Variants in SASH1 observed in about 807,000 individuals in gnomAD.
SASH1 encodes the protein SAM and SH3 domain containing 1, also known as SAM and SH3 domain-containing protein 1.
Under a neutral mutation model 125.2 loss-of-function variants are expected in SASH1, and 44 were observed. That is an observed-to-expected ratio of 0.35 (90% CI 0.28 to 0.45). SASH1 has a LOEUF of 0.45. Among genes scored for constraint, SASH1 ranks in the 20% least tolerant of loss-of-function variants. SASH1 has a pLI of 1.00. For missense variants in SASH1, 1,426 were observed against 1,614.5 expected, an observed-to-expected ratio of 0.88 and a Z score of 2.00; for synonymous variants, 639 against 649.1, an observed-to-expected ratio of 0.98 and a Z score of 0.24.
intron 2 of SASH1, among the ~76,000 whole-genome samples, chr6:148,409,827 G>T (rs969283249): frequency 1.3e-5 from 2 of 151,928 alleles, no homozygotes; most frequent in African/African-American, 4.8e-5. Flanking sequence ...CCAGCTACTC[G>T]GAAGGCTGAG....
At chr6:148,535,050 A>T in intron 16 of SASH1, 149 bp downstream of exon 16, 1 of 993,720 alleles carries the variant, frequency 1.0e-6, no homozygotes, top group Non-Finnish European at 1.5e-6. Context: ...CCCTGTACGC[A>T]CAGAGGTGTT....
At chr6:148,334,967 C>A (rs1177552402) in intron 1 of SASH1, among the ~76,000 whole-genome samples, 1 of 97,156 alleles carries the variant, frequency 1.0e-5, no homozygotes, top group Non-Finnish European at 2.1e-5. Flanking sequence ...GAGTGAGACT[C>A]CATCTCAAAA....
In SASH1 at chr6:148,533,315, G is replaced by T. The variant is rs1293483048; in HGVS notation, c.1734+349G>T. 6.6e-6 allele frequency among the ~76,000 whole-genome samples: 1 copy of T among 152,202 alleles called. No homozygotes were observed. The highest frequency in any genetic ancestry group is 1.5e-5 in the Non-Finnish European group (1 of 68,038). On this transcript the variant is annotated intron_variant, in intron 14 of 19. Transcript: ENST00000367467. This position sits in a 1 kb window ranked among gnomAD's most constrained non-coding sequence, Gnocchi z 6.2. ...ATCTGAAGAAAGATTTCTGCCTTCT[G>T]TGTGCTCAGAGGTACCTTTATGGGA...
intron 4 of SASH1, among the ~76,000 whole-genome samples, chr6:148,466,286 T>G: frequency 6.6e-6 from 1 of 152,320 alleles, no homozygotes; most frequent in Admixed American, 6.5e-5. Flanking sequence ...TCCCTTAGTT[T>G]ACAATAGAAA....
At chr6:148,387,605 T>TTTCTTTC (rs1562371067) in intron 1 of SASH1, among the ~76,000 whole-genome samples, 4 of 24,404 alleles carry the variant, frequency 1.6e-4, no homozygotes, top group African/African-American at 8.9e-4. Context: ...TCTTTCTTTC[T>TTTCTTTC]TTCTTTCTTT....
intron 1 of SASH1, among the ~76,000 whole-genome samples, chr6:148,337,580 T>G (rs1781197921): frequency 6.6e-6 from 1 of 152,130 alleles, no homozygotes; most frequent in Non-Finnish European, 1.5e-5. Flanking sequence ...CAGACTGGTC[T>G]TGAACTCCTG....
At chr6:148,331,708 A>G (rs966306898) in intron 1 of SASH1, among the ~76,000 whole-genome samples, 3 of 152,092 alleles carry the variant, frequency 2.0e-5, no homozygotes, top group African/African-American at 7.2e-5. Flanking sequence ...AAAACATTTC[A>G]GAGAAAAATT....
At chr6:148,234,187 G>C in the SASH1 span, among the ~76,000 whole-genome samples, 1 of 151,858 alleles carries the variant, frequency 6.6e-6, no homozygotes, top group Non-Finnish European at 1.5e-5. Flanking sequence ...ACAGGCACTG[G>C]CTTCACCATG....
In SASH1 at chr6:148,343,107, G is replaced by GAGCCCA. The variant is rs2114632578; in HGVS notation, c.45_46insAAGCCC (p.Pro15_Glu16insLysPro). ...AGCAGCTGGCCCGGGGCCGGAGCCT[G>GAGCCCA]AGCCCGAGCCCGAGCCGGAGCCCGA... is the stretch of plus-strand genomic sequence containing the variant. On this transcript the variant is annotated inframe_insertion, in exon 1 of 20. Coordinates refer to ENST00000367467, the MANE Select transcript of SASH1 (RefSeq NM_015278.5). 1 of 1,547,348 alleles carries GAGCCCA rather than the reference G, an allele frequency of 6.5e-7. No homozygotes were observed.
chr6:148,444,334 A>C (rs1365993098), intron 4 of SASH1, among the ~76,000 whole-genome samples: 6 of 152,210 alleles, frequency 3.9e-5, no homozygotes, highest in Non-Finnish European at 8.8e-5. Context: ...AGTCACAGGA[A>C]GTTAGCTCTG....
At chr6:148,346,677 A>G (rs546165415) in intron 1 of SASH1, among the ~76,000 whole-genome samples, 1 of 152,326 alleles carries the variant, frequency 6.6e-6, no homozygotes, top group African/African-American at 2.4e-5. Flanking sequence ...GTCAAGACAC[A>G]TGTGCCTGCT....
chr6:148,417,373 T>G (rs1444707446), intron 2 of SASH1, among the ~76,000 whole-genome samples: 1 of 151,940 alleles, frequency 6.6e-6, no homozygotes, highest in Non-Finnish European at 1.5e-5. Flanking sequence ...GATCACAAGG[T>G]CAAGAGATTG....
At chr6:148,317,755 C>T (rs1388433637) in intron 1 of SASH1, among the ~76,000 whole-genome samples, 1 of 150,964 alleles carries the variant, frequency 6.6e-6, no homozygotes, top group Non-Finnish European at 1.5e-5. Context: ...GGACTCCCAA[C>T]ATCTTGCTTT....
At chr6:148,303,479 T>C (rs1211961975) in intron 1 of SASH1, among the ~76,000 whole-genome samples, 1 of 152,140 alleles carries the variant, frequency 6.6e-6, no homozygotes, top group Non-Finnish European at 1.5e-5. Flanking sequence ...CAGAAGGAAA[T>C]TTGAGAAATT....
At position 148,342,955 on chromosome 6, in the gene SASH1, C is replaced by T. The variant is rs1781381576; in HGVS notation, c.-113C>T. On this transcript the variant is annotated 5_prime_UTR_variant, in exon 1 of 20. Transcript: ENST00000367467. ...GCCGCCGGGGCATGCAGCGCGGGGG[C>T]GCGGCTCGGTGACGCCGCGGGCGGG... 7.5e-6 allele frequency: 7 copies of T among 929,542 alleles called. No individual in the cohort carries two copies. Among genetic ancestry groups the T allele is most frequent in the Non-Finnish European group, 9.0e-6 (7 of 778,378 alleles). 57.6% of individuals were successfully genotyped at this position (929,542 alleles called of 1,614,324 possible).
intron 1 of SASH1, among the ~76,000 whole-genome samples, chr6:148,336,751 CTGAT>C (rs1339336160): frequency 6.6e-6 from 1 of 152,174 alleles, no homozygotes; most frequent in African/African-American, 2.4e-5. Context: ...TTGGCTACCT[CTGAT>C]TGGTTGAGCT....
rs558368957 is a variant in SASH1, at chr6:148,325,758, A to T, written n.74+53381A>T. Among the ~76,000 whole-genome samples, 17 of 152,260 alleles carry T rather than the reference A, an allele frequency of 1.1e-4. No homozygotes were observed. The South Asian group carries it at 3.5e-3, about 32-fold the overall frequency. On this transcript the variant is annotated intron_variant and non_coding_transcript_variant, in intron 1 of 3. Coordinates refer to the SASH1 transcript ENST00000367469. ...GACACAGTCAAACCATATCACCCTCAGTTGCAAGGAAACCCTGAAAAATGT... is the reference window on the plus strand; with the variant it reads ...GACACAGTCAAACCATATCACCCTCTGTTGCAAGGAAACCCTGAAAAATGT...
the SASH1 span, among the ~76,000 whole-genome samples, chr6:148,259,565 C>T: frequency 2.0e-5 from 3 of 152,198 alleles, no homozygotes; most frequent in East Asian, 3.8e-4. Flanking sequence ...CGCTGCCTGT[C>T]GCTGGGTGCC....
the SASH1 span, among the ~76,000 whole-genome samples, chr6:148,260,928 C>T: frequency 6.6e-6 from 1 of 151,424 alleles, no homozygotes; most frequent in African/African-American, 2.4e-5. Context: ...CCTCAGCCTC[C>T]CGAGTAGCTG....
Sources: gnomAD v4.1 joint callset for allele counts (sites outside exome capture counted in the v4.1 genomes callset) on GRCh38, gnomAD v4.1.1 for gene constraint, Gnocchi (gnomAD v3.1) non-coding constraint, MANE v1.5 for transcripts, NCBI Gene and HGNC (gene_info 2026-07-23, HGNC 2026-07-21) for gene names.